Variants in LRGUK observed in about 807,000 individuals in gnomAD.
LRGUK encodes leucine rich repeats and guanylate kinase domain containing, also known as leucine-rich repeat and guanylate kinase domain-containing protein.
A neutral mutation model predicts 76.0 loss-of-function variants in LRGUK; 65 were observed. That is an observed-to-expected ratio of 0.85 (90% CI 0.70 to 1.05). The LOEUF (loss-of-function observed/expected upper bound fraction) is 1.05. Among genes scored for constraint, LRGUK ranks in the 50% least tolerant of loss-of-function variants. The pLI, the probability that LRGUK is intolerant of heterozygous loss-of-function variation, is 0.00. For missense variants in LRGUK, 758 were observed against 732.8 expected, an observed-to-expected ratio of 1.03 and a Z score of -0.40; for synonymous variants, 268 against 265.6, an observed-to-expected ratio of 1.01 and a Z score of -0.09.
chr7:134,162,848 A>G (rs914804064), intron 6 of LRGUK, among the ~76,000 whole-genome samples: 1 of 151,084 alleles, frequency 6.6e-6, no homozygotes, highest in African/African-American at 2.4e-5. Flanking sequence ...AAAAAAAAAA[A>G]AAAGAGTGGA....
intron 9 of LRGUK, among the ~76,000 whole-genome samples, chr7:134,178,106 T>C (rs992986608): frequency 6.6e-6 from 1 of 152,222 alleles, no homozygotes; most frequent in African/African-American, 2.4e-5. Context: ...ACCTGGAATC[T>C]ACAGCTATAA....
intron 13 of LRGUK, among the ~76,000 whole-genome samples, chr7:134,198,306 C>G (rs754569293): frequency 6.6e-6 from 1 of 152,190 alleles, no homozygotes; most frequent in Non-Finnish European, 1.5e-5. Context: ...AACTCTCCAT[C>G]TTTTGTGTCT....
intron 15 of LRGUK, among the ~76,000 whole-genome samples, chr7:134,221,059 A>C (rs563591035): frequency 6.6e-6 from 1 of 152,314 alleles, no homozygotes; most frequent in East Asian, 1.9e-4. Context: ...TATCTATTAA[A>C]AACAAAACAA....
intron 3 of LRGUK, chr7:134,141,607 C>T (rs1475105433): frequency 6.6e-6 from 1 of 152,192 alleles, no homozygotes; most frequent in East Asian, 1.9e-4. Flanking sequence ...ATCTCTTTGT[C>T]TCTAGCTAAG....
intron 18 of LRGUK, among the ~76,000 whole-genome samples, chr7:134,252,369 A>AATTT (rs1563200827): frequency 2.0e-4 from 29 of 148,636 alleles, no homozygotes; most frequent in African/African-American, 5.7e-4. Flanking sequence ...AAATTAAATT[A>AATTT]AATTAAATTA....
At chr7:134,252,364 A>AACTT (rs1563200820) in intron 18 of LRGUK, among the ~76,000 whole-genome samples, 5 of 148,626 alleles carry the variant, frequency 3.4e-5, no homozygotes, top group African/African-American at 1.3e-4. Flanking sequence ...AAATTAAATT[A>AACTT]AATTAAATTA....
chr7:134,249,534 A>G (rs410853), intron 18 of LRGUK, among the ~76,000 whole-genome samples: 12,109 of 152,210 alleles, frequency 0.08, 1,184 homozygotes, highest in African/African-American at 0.23. Context: ...AAAGTACCCC[A>G]TAGCCTTCCA....
At chr7:134,224,024 C>T (rs533975050) in intron 16 of LRGUK, among the ~76,000 whole-genome samples, 71 of 152,314 alleles carry the variant, frequency 4.7e-4, no homozygotes, top group Non-Finnish European at 8.5e-4. Context: ...AGGAACCTAT[C>T]ACTCTTTGTC....
the LRGUK span, among the ~76,000 whole-genome samples, chr7:134,272,068 AATG>A: frequency 6.6e-6 from 1 of 152,108 alleles, no homozygotes; most frequent in Non-Finnish European, 1.5e-5. Context: ...GAATAGAAAC[AATG>A]ATAACGAGCA....
At chr7:134,136,981 A>C (rs1408875338) in intron 1 of LRGUK, 42 bp from the exon 2 acceptor site, 1 of 1,416,016 alleles carries the variant, frequency 7.1e-7, no homozygotes, top group Non-Finnish European at 9.9e-7. Context: ...TTCTTTTCTA[A>C]TGAGAATCTT....
intron 2 of LRGUK, 106 bp from the exon 3 acceptor site, chr7:134,139,330 C>T: frequency 1.4e-6 from 1 of 714,742 alleles, no homozygotes. Flanking sequence ...TTCTTCTATA[C>T]TTGTGAAAGA....
chr7:134,172,231 G>T (rs1378421242), intron 7 of LRGUK, among the ~76,000 whole-genome samples: 1 of 152,072 alleles, frequency 6.6e-6, no homozygotes, highest in African/African-American at 2.4e-5. Context: ...TTAATTACAG[G>T]ATCATGGTGT....
intron 8 of LRGUK, among the ~76,000 whole-genome samples, chr7:134,174,912 TGG>T (rs1799418891): frequency 6.6e-6 from 1 of 152,190 alleles, no homozygotes; most frequent in Non-Finnish European, 1.5e-5. Flanking sequence ...GTTGCTCTGC[TGG>T]TCATTTGTGA....
chr7:134,266,920 T>C (rs1351324891), downstream of LRGUK, among the ~76,000 whole-genome samples: 2 of 152,060 alleles, frequency 1.3e-5, no homozygotes, highest in Admixed American at 6.6e-5. Context: ...ATCTTAATTA[T>C]AGAGGAAAAA....
the LRGUK span, among the ~76,000 whole-genome samples, chr7:134,275,470 G>C: frequency 6.6e-6 from 1 of 151,954 alleles, no homozygotes; most frequent in Non-Finnish European, 1.5e-5. Context: ...AGAAATGACT[G>C]AATTTTTTTC....
the LRGUK span, among the ~76,000 whole-genome samples, chr7:134,271,299 GT>G: frequency 6.6e-6 from 1 of 151,774 alleles, no homozygotes; most frequent in Non-Finnish European, 1.5e-5. Context: ...ATGAATACAA[GT>G]TTTTTATATG....
chr7:134,268,888 C>A (rs1802910478), downstream of LRGUK, among the ~76,000 whole-genome samples: 2 of 151,704 alleles, frequency 1.3e-5, no homozygotes, highest in African/African-American at 4.8e-5. Flanking sequence ...TGCCACTGCA[C>A]CCGGCTAATT....
At chr7:134,247,351 GT>G (rs1407954631) in intron 16 of LRGUK, among the ~76,000 whole-genome samples, 1 of 152,050 alleles carries the variant, frequency 6.6e-6, no homozygotes. Flanking sequence ...TTATATTACA[GT>G]CTTTATAAAT....
chr7:134,178,625 C>T lies in LRGUK; in HGVS notation c.1214+16C>T. On this transcript the variant is annotated intron_variant, in intron 10 of 15. Transcript: ENST00000645682. ...TCTTTGACAGGTACTTATTAGAAAT[C>T]CAAAGGCCGGAATTCAGGGTGAGCA... is the stretch of plus-strand genomic sequence containing the variant. The T allele has an allele frequency of 6.2e-7, 1 of 1,600,622 alleles. No individual in the cohort carries two copies. Among genetic ancestry groups the T allele is most frequent in the Non-Finnish European group, 8.5e-7 (1 of 1,171,120 alleles).
Sources: allele counts gnomAD v4.1 joint callset (sites outside exome capture counted in the v4.1 genomes callset), GRCh38; gene constraint gnomAD v4.1.1; transcripts MANE v1.5; gene names NCBI Gene and HGNC (gene_info 2026-07-23, HGNC 2026-07-21).